Variants in ZMAT4 observed in about 807,000 individuals in gnomAD.
ZMAT4 encodes zinc finger matrin-type protein 4.
Under a neutral mutation model 28.7 loss-of-function variants are expected in ZMAT4, and 17 were observed. The ratio of observed to expected loss-of-function variants is 0.59; its 90% CI spans 0.41 to 0.89. The LOEUF (loss-of-function observed/expected upper bound fraction) is 0.89, where lower values mean the gene tolerates loss of function less well. ZMAT4 is among the 40% of genes least tolerant of loss of function. ZMAT4 has a pLI of 0.00. For synonymous variants in ZMAT4, 117 were observed against 109.2 expected (o/e 1.07, Z -0.44); for missense variants, 240 against 283.8 (o/e 0.85, Z 1.11).
intron 6 of ZMAT4, among the ~76,000 whole-genome samples, chr8:40,576,460 T>A (rs1267812398): frequency 3.4e-5 from 5 of 148,598 alleles, no homozygotes; most frequent in Admixed American, 6.8e-5. Context: ...TCCATCAGAC[T>A]AACAACCGAT....
At chr8:40,723,388 C>T (rs1319669759) in intron 3 of ZMAT4, among the ~76,000 whole-genome samples, 1 of 151,684 alleles carries the variant, frequency 6.6e-6, no homozygotes, top group African/African-American at 2.4e-5. Context: ...ACCAAAAATA[C>T]AAAAATTAGC....
chr8:40,658,622 AC>A (rs1203895516), intron 5 of ZMAT4, among the ~76,000 whole-genome samples: 20 of 7,654 alleles, frequency 2.6e-3, no homozygotes, highest in South Asian at 0.012. Flanking sequence ...AGACACATAC[AC>A]ACACACACAC....
At chr8:40,883,458 T>C (rs779751760) in intron 1 of ZMAT4, among the ~76,000 whole-genome samples, 17 of 152,264 alleles carry the variant, frequency 1.1e-4, no homozygotes, top group Non-Finnish European at 2.2e-4. Context: ...TTGCCTCCCC[T>C]TCTCCCTCCT....
intron 5 of ZMAT4, among the ~76,000 whole-genome samples, chr8:40,672,936 C>T (rs953045962): frequency 1.3e-5 from 2 of 152,144 alleles, no homozygotes; most frequent in African/African-American, 4.8e-5. Flanking sequence ...ATAGGAAGCA[C>T]CAAGTTGCTT....
chr8:40,833,393 C>A (rs1399374889), intron 1 of ZMAT4, among the ~76,000 whole-genome samples: 1 of 151,894 alleles, frequency 6.6e-6, no homozygotes, highest in African/African-American at 2.4e-5. Context: ...CATGGTGAAA[C>A]CCCATCTCTA....
intron 3 of ZMAT4, among the ~76,000 whole-genome samples, chr8:40,706,976 T>C (rs1033282907): frequency 6.6e-6 from 1 of 152,196 alleles, no homozygotes; most frequent in East Asian, 1.9e-4. Context: ...TAAAAACTCA[T>C]TGAATGATGA....
intron 4 of ZMAT4, among the ~76,000 whole-genome samples, chr8:40,683,274 G>C (rs1003142636): frequency 6.6e-6 from 1 of 152,104 alleles, no homozygotes; most frequent in African/African-American, 2.4e-5. Flanking sequence ...CTGTCCAGAC[G>C]GATCTGAAAA....
chr8:40,788,327 G>A (rs1015087711), intron 2 of ZMAT4, among the ~76,000 whole-genome samples: 1 of 152,214 alleles, frequency 6.6e-6, no homozygotes, highest in South Asian at 2.1e-4. Context: ...GCTCACGCCT[G>A]TAATCCCAGC....
At chr8:40,744,015 G>C (rs1361550631) in intron 3 of ZMAT4, among the ~76,000 whole-genome samples, 1 of 152,194 alleles carries the variant, frequency 6.6e-6, no homozygotes, top group African/African-American at 2.4e-5. Flanking sequence ...AATGCTCCCA[G>C]GAGCAAGGAG....
chr8:40,624,050 C>T (rs1039924365), intron 5 of ZMAT4, among the ~76,000 whole-genome samples: 1 of 152,144 alleles, frequency 6.6e-6, no homozygotes, highest in African/African-American at 2.4e-5. Context: ...TCTGCAATTT[C>T]CTCTGCTGGT....
At chr8:40,766,035 A>G (rs1813145309) in intron 3 of ZMAT4, among the ~76,000 whole-genome samples, 1 of 152,158 alleles carries the variant, frequency 6.6e-6, no homozygotes, top group South Asian at 2.1e-4. Flanking sequence ...AGTTTTTCTG[A>G]GAGGAATGTG....
rs1366243774 is a variant in ZMAT4 at position 40,617,530 on chromosome 8, C to T, written c.578-36269G>A. ...CATCTTGGAATGCTGAAACGCTATG[C>T]AAGCAGACACAATCGTTTGGGTTTC... On this transcript the variant is annotated intron_variant, in intron 5 of 6. Coordinates refer to ENST00000297737, the MANE Select transcript of ZMAT4 (RefSeq NM_024645.3). 3.3e-5 allele frequency among the ~76,000 whole-genome samples: 5 copies of T among 152,126 alleles called. No individual in the cohort carries two copies. In the East Asian group the frequency reaches 9.6e-4, roughly 29 times the overall value.
intron 5 of ZMAT4, among the ~76,000 whole-genome samples, chr8:40,620,249 A>G (rs1301501034): frequency 6.6e-6 from 1 of 152,210 alleles, no homozygotes; most frequent in Non-Finnish European, 1.5e-5. Context: ...AACAGAGGCT[A>G]ACTATAATGT....
intron 6 of ZMAT4, among the ~76,000 whole-genome samples, chr8:40,560,227 C>A (rs1429474551): frequency 6.7e-6 from 1 of 148,262 alleles, no homozygotes; most frequent in Non-Finnish European, 1.5e-5. Context: ...AAAATTTGAC[C>A]AAGGGAAATT....
At chr8:40,550,809 A>T (rs927418648) in intron 6 of ZMAT4, among the ~76,000 whole-genome samples, 9 of 152,050 alleles carry the variant, frequency 5.9e-5, no homozygotes, top group African/African-American at 2.2e-4. Context: ...TTCCTTTATA[A>T]ATTACCCAGT....
chr8:40,827,877 C>A (rs186041846), intron 1 of ZMAT4, among the ~76,000 whole-genome samples: 1 of 152,174 alleles, frequency 6.6e-6, no homozygotes, highest in African/African-American at 2.4e-5. Flanking sequence ...TCTGTCCCAC[C>A]GTAGTTTTCA....
chr8:40,747,763 A>G (rs1320339436), intron 3 of ZMAT4, among the ~76,000 whole-genome samples: 6 of 152,174 alleles, frequency 3.9e-5, no homozygotes, highest in Non-Finnish European at 8.8e-5. Flanking sequence ...ATAATGAGAG[A>G]CCAAACAAAC....
At chr8:40,541,481 T>A (rs1000001268) in intron 6 of ZMAT4, among the ~76,000 whole-genome samples, 2 of 152,168 alleles carry the variant, frequency 1.3e-5, no homozygotes, top group African/African-American at 4.8e-5. Context: ...TATTTAAATA[T>A]AAAATAATTA....
chr8:40,890,322 C>G (rs2150670707), intron 1 of ZMAT4, among the ~76,000 whole-genome samples: 1 of 152,298 alleles, frequency 6.6e-6, no homozygotes. Context: ...CCCATTTCCT[C>G]CCATCCCATC....
Sources: gnomAD v4.1 joint callset for allele counts (sites outside exome capture counted in the v4.1 genomes callset) on GRCh38, gnomAD v4.1.1 for gene constraint, MANE v1.5 for transcripts, NCBI Gene and HGNC (gene_info 2026-07-23, HGNC 2026-07-21) for gene names.